The following ZNF48 variants were observed in gnomAD, a reference collection of about 807,000 sequenced individuals.
ZNF48 encodes zinc finger protein 553.
In ZNF48, 20 loss-of-function variants were observed where a neutral mutation model predicts 40.0. The ratio of observed to expected loss-of-function variants is 0.50; its 90% CI spans 0.35 to 0.73. The LOEUF (loss-of-function observed/expected upper bound fraction) is 0.73, where lower values mean the gene tolerates loss of function less well. ZNF48 is among the 30% of genes least tolerant of loss of function. The probability of loss-of-function intolerance (pLI) is 0.01; values close to 1 mark genes in which losing one functional copy is unlikely to be tolerated. For missense variants in ZNF48, 726 were observed against 851.9 expected, an observed-to-expected ratio of 0.85 and a Z score of 1.84; for synonymous variants, 298 against 329.7, an observed-to-expected ratio of 0.90 and a Z score of 1.04.
upstream of ZNF48, among the ~76,000 whole-genome samples, chr16:30,392,041 G>T (rs2049946038): frequency 6.6e-6 from 1 of 152,096 alleles, no homozygotes; most frequent in South Asian, 2.1e-4. Flanking sequence ...ATTTTTTCCT[G>T]AGGCGGCGTA....
At chr16:30,378,584 CG>C (rs765652384) in intron 1 of ZNF48, 12 of 1,609,306 alleles carry the variant, frequency 7.5e-6, no homozygotes, top group East Asian at 2.2e-5. Flanking sequence ...GGGCATCGGT[CG>C]GGGGGAAGCG....
Position 30,379,752 on chromosome 16 carries a change from G to A in ZNF48, c.-16+1342G>A, listed in dbSNP as rs112212751. Reference sequence around the variant, plus strand: ...CTCCCGAGTAGCTGGAATTACAGGCGCCCACCATCACACCTGGCAAATTTG... The same window carrying A: ...CTCCCGAGTAGCTGGAATTACAGGCACCCACCATCACACCTGGCAAATTTG... On this transcript the variant is annotated intron_variant, in intron 1 of 2. Coordinates refer to the ZNF48 transcript ENST00000528032. The A allele has an allele frequency of 1.4e-4, 76 of 557,974 alleles. 6 individuals are homozygous for A. Among genetic ancestry groups the A allele is most frequent in the African/African-American group, 1.0e-3 (51 of 49,564 alleles). 34.6% of individuals were successfully genotyped at this position (557,974 alleles called of 1,614,324 possible). A position where few individuals can be genotyped will look rare whatever the true frequency, so the allele number is the denominator to read the frequency against.
chr16:30,381,908 G>A lies in ZNF48; in HGVS notation c.-16+3498G>A. 6.2e-7 allele frequency: 1 copy of A among 1,613,658 alleles called. No individual in the cohort carries two copies. Among genetic ancestry groups the A allele is most frequent in the Middle Eastern group, 1.7e-4 (1 of 6,060 alleles). ...GCTGTGGGATGGGGGAGAGGTCAGGGATCCGGGGAGGCTCTGAGGCAGAAT... is the reference window on the plus strand; with the variant it reads ...GCTGTGGGATGGGGGAGAGGTCAGGAATCCGGGGAGGCTCTGAGGCAGAAT... On this transcript the variant is annotated intron_variant, in intron 1 of 2. Transcript: ENST00000528032. The surrounding 1 kb of genome is among the most constrained non-coding windows in gnomAD (Gnocchi z 4.3).
chr16:30,380,949 TGAGCCTTCA>T (rs1256078453), intron 1 of ZNF48: 1 of 669,598 alleles, frequency 1.5e-6, no homozygotes, highest in Non-Finnish European at 2.7e-6. Flanking sequence ...TAGCCTATTT[TGAGCCTTCA>T]GAGACATGGC....
chr16:30,383,588 T>C (rs1432591683), intron 1 of ZNF48, among the ~76,000 whole-genome samples: 2 of 152,194 alleles, frequency 1.3e-5, no homozygotes, highest in African/African-American at 4.8e-5. Context: ...GACAATGGAT[T>C]CATAAAAGGA....
At position 30,399,556 on chromosome 16, in the gene ZNF48, A is replaced by G. The variant is rs902278327; in HGVS notation, c.*449A>G. On this transcript the variant is annotated 3_prime_UTR_variant, in exon 3 of 3. Coordinates refer to ENST00000613509, the MANE Select transcript of ZNF48 (RefSeq NM_001214909.2). The stretch of plus-strand genomic sequence containing the variant: ...GAGGCTGCAGTGAGCTGATTGCACC[A>G]CTGATGCCTCCCAACCTTGCTCTGG... 3.2e-5 allele frequency: 5 copies of G among 155,292 alleles called. No individual in the cohort carries two copies. The highest frequency in any genetic ancestry group is 1.2e-4 in the African/African-American group (5 of 41,526). The allele number at this position is 155,292 out of a possible 1,614,324, so 9.6% of individuals were successfully genotyped here.
At chr16:30,394,020 TTC>T (rs952408814), upstream of ZNF48, among the ~76,000 whole-genome samples, 30 of 151,730 alleles carry the variant, frequency 2.0e-4, no homozygotes, top group African/African-American at 4.8e-4. Context: ...GCCCAGCCCA[TTC>T]TCTCTCTCTT....
rs1597000763 is a variant in ZNF48 at position 30,378,362 on chromosome 16, G to A, written c.-64G>A. 7 of 1,393,062 alleles carry A rather than the reference G, an allele frequency of 5.0e-6. No individual in the cohort carries two copies. The East Asian group carries it at 1.7e-4, about 35-fold the overall frequency. The allele number at this position is 1,393,062 out of a possible 1,614,324, so 86.3% of individuals were successfully genotyped here. A position where few individuals can be genotyped will look rare whatever the true frequency, so the allele number is the denominator to read the frequency against. ...CGGAGGTCCCGGGGGGCGCTGGGCA[G>A]TGTGGGGCGCGGGGATTGGACAAGA... On this transcript the variant is annotated 5_prime_UTR_variant, in exon 1 of 3. Coordinates refer to the ZNF48 transcript ENST00000528032.
chr16:30,379,339 G>C (rs1408564056), intron 1 of ZNF48: 1 of 1,436,452 alleles, frequency 7.0e-7, no homozygotes, highest in African/African-American at 1.4e-5. Context: ...GATCCCCTGG[G>C]ACCAAAGCCC....
chr16:30,395,849 G>A lies in ZNF48; in HGVS notation c.55G>A (p.Glu19Lys). The A allele has an allele frequency of 6.5e-7, 1 of 1,545,882 alleles. No homozygotes were observed. ...AGATCTCCACCGCCCGGAGGAGAGG[G>A]AGCCACAGAGAGGCGCCCGCACAGG... ...GPDLHRPEEREPQRGARTGLG... is the reference protein window; with the variant it reads ...GPDLHRPEERKPQRGARTGLG... Residue 19 changes from glutamate (E) to lysine (K), a missense_variant, in exon 2 of 3, where the codon GAG becomes AAG. Around this residue, in one of 5 missense-constraint regions of ZNF48, gnomAD observed 151 missense variants for 162.3 expected, o/e 0.93. Transcript: ENST00000613509. The surrounding 1 kb of genome is among the most constrained non-coding windows in gnomAD (Gnocchi z 5.9).
At position 30,382,255 on chromosome 16, in the gene ZNF48, C is replaced by T. The variant is rs1181717015; in HGVS notation, c.-16+3845C>T. 4 of 1,613,150 alleles carry T rather than the reference C, an allele frequency of 2.5e-6. No individual in the cohort carries two copies. The highest frequency in any genetic ancestry group is 2.2e-5 in the East Asian group (1 of 44,884). ...CCTAAGGACATCCCCTCCGCAGTTC[C>T]CTCTCCAAAACCCCCAGACCTGCCA... On this transcript the variant is annotated intron_variant, in intron 1 of 2. Coordinates refer to the ZNF48 transcript ENST00000528032. The surrounding 1 kb of genome is among the most constrained non-coding windows in gnomAD (Gnocchi z 4.8).
intron 1 of ZNF48, among the ~76,000 whole-genome samples, chr16:30,386,316 T>C (rs373814860): frequency 3.9e-4 from 59 of 152,280 alleles, no homozygotes; most frequent in African/African-American, 1.3e-3. Flanking sequence ...TATATTTATC[T>C]GTTTATTGTA....
chr16:30,391,698 T>C (rs1313140626), upstream of ZNF48, among the ~76,000 whole-genome samples: 3 of 151,826 alleles, frequency 2.0e-5, no homozygotes, highest in Non-Finnish European at 2.9e-5. Context: ...GGTTTCACCA[T>C]GTTGGCCAAA....
At chr16:30,383,899 G>T (rs1218073052) in intron 1 of ZNF48, among the ~76,000 whole-genome samples, 1 of 152,120 alleles carries the variant, frequency 6.6e-6, no homozygotes, top group Non-Finnish European at 1.5e-5. Context: ...CCTACCCTAG[G>T]CAGGGTCATT....
intron 1 of ZNF48, chr16:30,378,598 G>A (rs769007736): frequency 1.2e-6 from 2 of 1,611,326 alleles, no homozygotes; most frequent in Non-Finnish European, 8.5e-7. Context: ...GGGAAGCGAG[G>A]TGCGTGCTCA....
chr16:30,387,717 C>G (rs946699131), intron 1 of ZNF48, among the ~76,000 whole-genome samples: 3 of 150,848 alleles, frequency 2.0e-5, no homozygotes, highest in African/African-American at 7.3e-5. Flanking sequence ...TGCCATCATA[C>G]CTGACTAATT....
At chr16:30,387,892 T>C (rs182977876) in intron 1 of ZNF48, among the ~76,000 whole-genome samples, 228 of 152,198 alleles carry the variant, frequency 1.5e-3, no homozygotes, top group Non-Finnish European at 1.1e-3. Context: ...TACACACTGT[T>C]TATATTTATA....
At chr16:30,389,908 G>A (rs2049930504) in intron 1 of ZNF48, among the ~76,000 whole-genome samples, 1 of 127,810 alleles carries the variant, frequency 7.8e-6, no homozygotes, top group Non-Finnish European at 1.6e-5. Flanking sequence ...GCGATCATAG[G>A]TTATTGCAGT....
Position 30,398,092 on chromosome 16 carries a change from G to C in ZNF48, c.842G>C (p.Gly281Ala), listed in dbSNP as rs2151118776. The change falls in exon 3 of 3, where the codon GGC becomes GCC. Residue 281 changes from glycine to alanine, a missense_variant. Around this residue, in one of 5 missense-constraint regions of ZNF48, gnomAD observed 378 missense variants for 449.1 expected, o/e 0.84. Transcript: ENST00000613509. The surrounding 1 kb of genome is among the most constrained non-coding windows in gnomAD (Gnocchi z 6.6). ...AAGCCATATATCTGCACTGATTGCG[G>C]CAAGAGGTTTGTGCTCAGCTGCAGC... Reference protein sequence around the residue: ...QDKPYICTDCGKRFVLSCSLL... With the variant: ...QDKPYICTDCAKRFVLSCSLL... 6.2e-7 allele frequency: 1 copy of C among 1,613,444 alleles called. No homozygotes were observed. Among genetic ancestry groups the C allele is most frequent in the East Asian group, 2.2e-5 (1 of 44,866 alleles).
Sources: gnomAD v4.1 joint callset for allele counts (sites outside exome capture counted in the v4.1 genomes callset) on GRCh38, gnomAD v4.1.1 for gene constraint, gnomAD v4.1.1 regional missense constraint, Gnocchi (gnomAD v3.1) non-coding constraint, MANE v1.5 for transcripts, NCBI Gene and HGNC (gene_info 2026-07-23, HGNC 2026-07-21) for gene names.